Variants in LRRTM4 observed in about 807,000 individuals in gnomAD.
The protein encoded by LRRTM4 is leucine-rich repeat transmembrane neuronal protein 4.
A neutral mutation model predicts 47.6 loss-of-function variants in LRRTM4; 25 were observed. That is an observed-to-expected ratio of 0.53 (90% CI 0.38 to 0.73). The LOEUF is 0.73. Ranked by LOEUF, LRRTM4 falls within the 30% of genes least tolerant of loss-of-function variation. The probability of loss-of-function intolerance (pLI) is 0.00; values close to 1 mark genes in which losing one functional copy is unlikely to be tolerated. For missense variants in LRRTM4, 638 were observed against 713.4 expected (o/e 0.89, Z 1.20); for synonymous variants, 311 against 269.5 (o/e 1.15, Z -1.51).
At chr2:76,766,636 G>A (rs904093672) in intron 3 of LRRTM4, among the ~76,000 whole-genome samples, 2 of 152,174 alleles carry the variant, frequency 1.3e-5, no homozygotes, top group Non-Finnish European at 2.9e-5. Context: ...AGTGCCAATA[G>A]GAGAGGTAGT....
At position 76,928,848 on chromosome 2, in the gene LRRTM4, GTGA is replaced by G. The variant is rs1170110935; in HGVS notation, c.1552-179935_1552-179933del. On this transcript the variant is annotated intron_variant, in intron 3 of 3. Coordinates refer to ENST00000409884, the MANE Select transcript of LRRTM4 (RefSeq NM_001134745.3). Reference sequence around the variant, plus strand: ...AGCAAAGCAAAGAACACAAAAGAATGTGATGTAGTCAACTTTAATATAAAATCA... The same window carrying G: ...AGCAAAGCAAAGAACACAAAAGAATGTGTAGTCAACTTTAATATAAAATCA... 1.1e-4 allele frequency among the ~76,000 whole-genome samples: 16 copies of G among 152,234 alleles called. No homozygotes were observed. The South Asian group carries it at 2.7e-3, about 26-fold the overall frequency.
chr2:77,153,973 A>C (rs1421326948), intron 3 of LRRTM4, among the ~76,000 whole-genome samples: 1 of 152,186 alleles, frequency 6.6e-6, no homozygotes, highest in Non-Finnish European at 1.5e-5. Flanking sequence ...GAATGTTCAG[A>C]ATTATTTCAC....
intron 3 of LRRTM4, among the ~76,000 whole-genome samples, chr2:76,960,539 C>A (rs1573371572): frequency 6.6e-6 from 1 of 151,358 alleles, no homozygotes; most frequent in East Asian, 2.0e-4. Context: ...ACCTTATTAT[C>A]CAGCTGCATG....
In LRRTM4 at chr2:77,124,133, A is replaced by G. The variant is rs182578432; in HGVS notation, c.1552-375217T>C. ...GAAAATAAAGCCATAGAGATTAGAA[A>G]AGGAAAAAAATTTAATCATAGGAGG... On this transcript the variant is annotated intron_variant, in intron 3 of 3. Transcript: ENST00000409884. 1.1e-3 allele frequency among the ~76,000 whole-genome samples: 175 copies of G among 152,250 alleles called. 3 individuals are homozygous for G. The highest frequency in any genetic ancestry group is 1.5e-4 in the Non-Finnish European group (10 of 67,994).
chr2:76,925,685 A>G (rs1238626876), intron 3 of LRRTM4, among the ~76,000 whole-genome samples: 2 of 152,066 alleles, frequency 1.3e-5, no homozygotes, highest in Non-Finnish European at 2.9e-5. Context: ...TTAGGTTCCT[A>G]TCTTTTCTTA....
At chr2:77,285,273 G>A (rs1383708544) in intron 3 of LRRTM4, among the ~76,000 whole-genome samples, 1 of 144,526 alleles carries the variant, frequency 6.9e-6, no homozygotes, top group African/African-American at 2.5e-5. Flanking sequence ...AAATGTCTTA[G>A]TACTAAGTTT....
intron 3 of LRRTM4, among the ~76,000 whole-genome samples, chr2:77,287,255 C>A (rs1676691272): frequency 6.6e-6 from 1 of 151,848 alleles, no homozygotes; most frequent in African/African-American, 2.4e-5. Flanking sequence ...GTTCATGTCA[C>A]CTTGTGTTGT....
chr2:77,240,413 C>T (rs1332795245), intron 3 of LRRTM4, among the ~76,000 whole-genome samples: 1 of 151,856 alleles, frequency 6.6e-6, no homozygotes, highest in Non-Finnish European at 1.5e-5. Flanking sequence ...AATTCCTCAG[C>T]AAGCTAGAAA....
chr2:76,922,360 G>A (rs1674458384), intron 3 of LRRTM4, among the ~76,000 whole-genome samples: 1 of 152,070 alleles, frequency 6.6e-6, no homozygotes, highest in East Asian at 1.9e-4. Context: ...TACCCTGGCA[G>A]AGCAGGAGAG....
At chr2:77,401,084 A>G (rs1247964932) in intron 3 of LRRTM4, among the ~76,000 whole-genome samples, 3 of 151,938 alleles carry the variant, frequency 2.0e-5, no homozygotes, top group Admixed American at 2.0e-4. Context: ...AATATTTACT[A>G]TGTGGATATT....
At chr2:77,021,581 T>C (rs1678272193) in intron 3 of LRRTM4, among the ~76,000 whole-genome samples, 1 of 152,188 alleles carries the variant, frequency 6.6e-6, no homozygotes, top group South Asian at 2.1e-4. Flanking sequence ...ACACTATTTG[T>C]ACTATATGTG....
rs563589484 is a variant in LRRTM4, at chr2:77,456,462, A to G, written c.1551+61856T>C. ...AACTAAAGCCTCCCTGTCCATTTGA[A>G]ATAGTTTCTATTCCTTTTGACTCAT... On this transcript the variant is annotated intron_variant, in intron 3 of 3. Coordinates refer to ENST00000409884, the MANE Select transcript of LRRTM4 (RefSeq NM_001134745.3). Among the ~76,000 whole-genome samples, 9 of 152,306 alleles carry G rather than the reference A, an allele frequency of 5.9e-5. No individual in the cohort carries two copies. In the South Asian group the frequency reaches 1.4e-3, roughly 25 times the overall value.
rs546471093 is a variant in LRRTM4 at position 77,459,188 on chromosome 2, A to T, written c.1551+59130T>A. On this transcript the variant is annotated intron_variant, in intron 3 of 3. Coordinates refer to ENST00000409884, the MANE Select transcript of LRRTM4 (RefSeq NM_001134745.3). ...TGAAGGGACTATTATTTATCTCCTC[A>T]AAAATTGGATTTTATCTTCACCTCA... Among the ~76,000 whole-genome samples the T allele has an allele frequency of 9.2e-5, 14 of 152,246 alleles. No homozygotes were observed. The South Asian group carries it at 2.7e-3, about 29-fold the overall frequency.
At chr2:76,948,634 T>C (rs1675401371) in intron 3 of LRRTM4, among the ~76,000 whole-genome samples, 1 of 151,720 alleles carries the variant, frequency 6.6e-6, no homozygotes, top group Non-Finnish European at 1.5e-5. Context: ...TAATTTAGAG[T>C]AGAAATGCCT....
At chr2:77,326,313 T>G (rs1670772014) in intron 3 of LRRTM4, among the ~76,000 whole-genome samples, 1 of 152,214 alleles carries the variant, frequency 6.6e-6, no homozygotes, top group African/African-American at 2.4e-5. Flanking sequence ...TAATCTGTCT[T>G]CTGTTATAGG....
At chr2:77,189,798 C>T (rs997346249) in intron 3 of LRRTM4, among the ~76,000 whole-genome samples, 3 of 151,986 alleles carry the variant, frequency 2.0e-5, no homozygotes, top group African/African-American at 7.3e-5. Flanking sequence ...TATATATACA[C>T]ACATCTGACT....
chr2:77,419,917 T>A (rs1158579678), intron 3 of LRRTM4, among the ~76,000 whole-genome samples: 1 of 152,204 alleles, frequency 6.6e-6, no homozygotes, highest in Non-Finnish European at 1.5e-5. Context: ...CATAGAAAGC[T>A]GCAGCTTGTA....
intron 3 of LRRTM4, among the ~76,000 whole-genome samples, chr2:77,032,841 A>T (rs1004447932): frequency 1.3e-5 from 2 of 152,086 alleles, no homozygotes; most frequent in East Asian, 3.9e-4. Context: ...TTTTAGCACC[A>T]GTTGTGCCAT....
At chr2:77,418,896 T>A (rs1166371759) in intron 3 of LRRTM4, among the ~76,000 whole-genome samples, 1 of 152,174 alleles carries the variant, frequency 6.6e-6, no homozygotes, top group Non-Finnish European at 1.5e-5. Flanking sequence ...TTTACAGGCT[T>A]CCACTATACA....
Sources: allele counts gnomAD v4.1 joint callset (sites outside exome capture counted in the v4.1 genomes callset), GRCh38; gene constraint gnomAD v4.1.1; transcripts MANE v1.5; gene names NCBI Gene and HGNC (gene_info 2026-07-23, HGNC 2026-07-21).